Variants in RGS7 observed in about 807,000 individuals in gnomAD.
RGS7 encodes regulator of G-protein signaling 7.
Under a neutral mutation model 81.1 loss-of-function variants are expected in RGS7, and 27 were observed. The observed-to-expected ratio is 0.33, with a 90% CI of 0.25 to 0.46. RGS7 has a LOEUF of 0.46. Among genes scored for constraint, RGS7 ranks in the 20% least tolerant of loss-of-function variants. The pLI is 1.00. For synonymous variants in RGS7, 208 were observed against 207.7 expected (o/e 1.00, Z -0.01); for missense variants, 396 against 607.4 (o/e 0.65, Z 3.66).
intron 3 of RGS7, among the ~76,000 whole-genome samples, chr1:241,026,545 C>T (rs896861192): frequency 3.3e-5 from 5 of 151,610 alleles, no homozygotes; most frequent in African/African-American, 4.8e-5. Context: ...GCCGAGATCG[C>T]GCCACTGCAC....
intron 11 of RGS7, 149 bp downstream of exon 11, chr1:240,816,168 T>C (rs1690761886): frequency 1.5e-6 from 1 of 665,840 alleles, no homozygotes; most frequent in Non-Finnish European, 2.8e-6. Flanking sequence ...AATTACAACA[T>C]TTTATTATCT....
At position 241,356,998 on chromosome 1, in the gene RGS7, G is replaced by A. The variant is rs2083624317; in HGVS notation, c.-150C>T. On this transcript the variant is annotated 5_prime_UTR_variant, in exon 1 of 19. Transcript: ENST00000440928. ...GCAAGCGGAGCAGCGAGGCAGGGTA[G>A]CTTCATCACACTCGCGGCGGATGCG... 1 of 152,104 alleles carries A rather than the reference G, an allele frequency of 6.6e-6. No individual in the cohort carries two copies. Among genetic ancestry groups the A allele is most frequent in the Non-Finnish European group, 1.5e-5 (1 of 68,074 alleles). 9.4% of individuals were successfully genotyped at this position (152,104 alleles called of 1,614,324 possible).
At chr1:241,314,198 C>T (rs1437137632) in intron 2 of RGS7, among the ~76,000 whole-genome samples, 1 of 152,240 alleles carries the variant, frequency 6.6e-6, no homozygotes, top group African/African-American at 2.4e-5. Context: ...TGCTCTCAAA[C>T]AGCATAACAT....
chr1:241,047,864 CT>C (rs918114580), intron 3 of RGS7, among the ~76,000 whole-genome samples: 17 of 151,838 alleles, frequency 1.1e-4, no homozygotes, highest in African/African-American at 3.9e-4. Flanking sequence ...CTCAGCCCCC[CT>C]AGTAGCTGGG....
At chr1:241,077,765 A>C (rs1176123322) in intron 3 of RGS7, among the ~76,000 whole-genome samples, 1 of 152,236 alleles carries the variant, frequency 6.6e-6, no homozygotes, top group African/African-American at 2.4e-5. Flanking sequence ...AAAGTGAAAA[A>C]GACGTTGCTT....
At chr1:241,096,893 T>G (rs2064292387) in intron 3 of RGS7, among the ~76,000 whole-genome samples, 1 of 152,162 alleles carries the variant, frequency 6.6e-6, no homozygotes, top group African/African-American at 2.4e-5. Context: ...CAGTTCCCAG[T>G]GCAGGATGGC....
At chr1:241,203,335 C>T (rs1038012434) in intron 2 of RGS7, among the ~76,000 whole-genome samples, 3 of 152,202 alleles carry the variant, frequency 2.0e-5, no homozygotes, top group Admixed American at 1.3e-4. Flanking sequence ...CAGGTTCAAG[C>T]GATTCTCCTG....
chr1:241,022,355 G>A (rs1203920859), intron 3 of RGS7, among the ~76,000 whole-genome samples: 1 of 152,174 alleles, frequency 6.6e-6, no homozygotes, highest in African/African-American at 2.4e-5. Context: ...TAAAATAACA[G>A]TCCTTTCCCG....
chr1:241,265,435 G>C (rs2077535215), intron 2 of RGS7, among the ~76,000 whole-genome samples: 1 of 63,908 alleles, frequency 1.6e-5, no homozygotes, highest in Non-Finnish European at 3.2e-5. Flanking sequence ...AGACCAAGAA[G>C]ATACAGAGGA....
chr1:240,866,078 A>G (rs1431762603), intron 9 of RGS7, among the ~76,000 whole-genome samples: 1 of 152,244 alleles, frequency 6.6e-6, no homozygotes, highest in Non-Finnish European at 1.5e-5. Flanking sequence ...AATTTTTAAA[A>G]TGCCAAGAGG....
rs564055307 is a variant in RGS7 at position 241,095,480 on chromosome 1, A to AAAAC, written c.175+3182_175+3185dup. On this transcript the variant is annotated intron_variant, in intron 3 of 18. Coordinates refer to ENST00000440928, the MANE Select transcript of RGS7 (RefSeq NM_001364886.1). Reference sequence around the variant, plus strand: ...AACATGGTGAGATCTTGTCTCTACCAAAACAAACAAACAAAAAATTAAAAA... The same window carrying AAAAC: ...AACATGGTGAGATCTTGTCTCTACCAAAACAAACAAACAAACAAAAAATTAAAAA... 1.6e-4 allele frequency among the ~76,000 whole-genome samples: 24 copies of AAAAC among 152,208 alleles called. No individual in the cohort carries two copies. The South Asian group carries it at 4.6e-3, about 29-fold the overall frequency.
chr1:241,061,853 G>T lies in RGS7; in HGVS notation c.175+36813C>A, dbSNP rs190690038. Among the ~76,000 whole-genome samples the T allele has an allele frequency of 8.5e-5, 13 of 152,242 alleles. No individual in the cohort carries two copies. The East Asian group carries it at 2.5e-3, about 29-fold the overall frequency. ...TAGCTCCCTATTATCTATTACATCT[G>T]CCCCATTGAACCTTGACTCTGTGAA... is the stretch of plus-strand genomic sequence containing the variant. On this transcript the variant is annotated intron_variant, in intron 3 of 18. Transcript: ENST00000440928.
chr1:241,121,378 G>A (rs1354614130), intron 2 of RGS7, among the ~76,000 whole-genome samples: 3 of 152,208 alleles, frequency 2.0e-5, no homozygotes, highest in Admixed American at 6.5e-5. Flanking sequence ...AGACCTTGAG[G>A]TATGTATGCA....
chr1:241,327,414 G>A (rs2081668097), intron 2 of RGS7, among the ~76,000 whole-genome samples: 1 of 152,168 alleles, frequency 6.6e-6, no homozygotes. Context: ...GTAAAAACAT[G>A]TTATTATGGG....
intron 9 of RGS7, among the ~76,000 whole-genome samples, chr1:240,842,115 A>G (rs1217553622): frequency 6.6e-6 from 1 of 151,868 alleles, no homozygotes; most frequent in South Asian, 2.1e-4. Context: ...TAGTATTATT[A>G]GCAGTATAAT....
chr1:241,057,075 C>T lies in RGS7; in HGVS notation c.175+41591G>A, dbSNP rs144415522. Among the ~76,000 whole-genome samples the T allele has an allele frequency of 4.0e-3, 599 of 150,964 alleles. 2 individuals are homozygous for T. The highest frequency in any genetic ancestry group is 0.014 in the African/African-American group (559 of 41,086). Reference sequence around the variant, plus strand: ...AAGACTTTTTTTTTTTCTGGGGTTACTGATTTAGTTAATAGTATTTAAAAC... The same window carrying T: ...AAGACTTTTTTTTTTTCTGGGGTTATTGATTTAGTTAATAGTATTTAAAAC... On this transcript the variant is annotated intron_variant, in intron 3 of 18. Coordinates refer to ENST00000440928, the MANE Select transcript of RGS7 (RefSeq NM_001364886.1).
intron 6 of RGS7, among the ~76,000 whole-genome samples, chr1:240,916,109 CAAAA>C (rs60839025): frequency 1.4e-5 from 1 of 70,942 alleles, no homozygotes; most frequent in African/African-American, 4.6e-5. Flanking sequence ...CTAAAAATAC[CAAAA>C]AAAAAAAAAA....
chr1:240,780,387 G>T (rs1250331666), intron 18 of RGS7, among the ~76,000 whole-genome samples: 3 of 140,146 alleles, frequency 2.1e-5, no homozygotes, highest in Non-Finnish European at 4.5e-5. Flanking sequence ...GTTGCAGTGA[G>T]CCAAGATAGG....
chr1:240,965,207 T>TCATTAATAGGACAGTCTC (rs1682100418), intron 4 of RGS7, among the ~76,000 whole-genome samples: 1 of 152,222 alleles, frequency 6.6e-6, no homozygotes, highest in Admixed American at 6.5e-5. Flanking sequence ...CTCCTAGGCC[T>TCATTAATAGGACAGTCTC]CTACTGTCCT....
Sources: gnomAD v4.1 joint callset for allele counts (sites outside exome capture counted in the v4.1 genomes callset) on GRCh38, gnomAD v4.1.1 for gene constraint, MANE v1.5 for transcripts, NCBI Gene and HGNC (gene_info 2026-07-23, HGNC 2026-07-21) for gene names.